Variants in TRAK2 observed in about 807,000 individuals in gnomAD.
TRAK2 encodes the protein trafficking kinesin protein 2, also known as trafficking kinesin-binding protein 2.
A neutral mutation model predicts 104.6 loss-of-function variants in TRAK2; 81 were observed. That is an observed-to-expected ratio of 0.77 (90% confidence interval 0.65 to 0.93). The LOEUF (loss-of-function observed/expected upper bound fraction) is 0.93. Among genes scored for constraint, TRAK2 ranks in the 40% least tolerant of loss-of-function variants. The pLI is 0.00. For missense variants in TRAK2, 1,002 were observed against 1,089.0 expected, an observed-to-expected ratio of 0.92 and a Z score of 1.12; for synonymous variants, 406 against 394.4, an observed-to-expected ratio of 1.03 and a Z score of -0.35.
chr2:201,428,981 G>A (rs1325828171), intron 1 of TRAK2, among the ~76,000 whole-genome samples: 2 of 152,156 alleles, frequency 1.3e-5, no homozygotes, highest in Admixed American at 6.5e-5. Flanking sequence ...TCTGTTATTG[G>A]TGTATAGGAA....
At chr2:201,437,940 T>G (rs1181678715) in intron 1 of TRAK2, among the ~76,000 whole-genome samples, 2 of 152,236 alleles carry the variant, frequency 1.3e-5, no homozygotes, top group Non-Finnish European at 2.9e-5. Flanking sequence ...GACCCAAATA[T>G]GTAGTCCACT....
chr2:201,385,696 T>C (rs1559436830), intron 14 of TRAK2, among the ~76,000 whole-genome samples: 1 of 152,208 alleles, frequency 6.6e-6, no homozygotes, highest in Non-Finnish European at 1.5e-5. Context: ...AAACAACATA[T>C]TGCAATAGAC....
At chr2:201,415,002 T>C (rs1447141355) in intron 2 of TRAK2, among the ~76,000 whole-genome samples, 1 of 58,312 alleles carries the variant, frequency 1.7e-5, no homozygotes, top group East Asian at 5.3e-4. Context: ...GACTAGCTCT[T>C]CCACCTTGCT....
At chr2:201,416,495 A>C (rs1951692977) in intron 2 of TRAK2, among the ~76,000 whole-genome samples, 1 of 152,192 alleles carries the variant, frequency 6.6e-6, no homozygotes, top group Admixed American at 6.5e-5. Flanking sequence ...GTTAAAGTTA[A>C]ACAGGCAAAA....
intron 1 of TRAK2, among the ~76,000 whole-genome samples, chr2:201,437,930 G>A (rs1159751532): frequency 6.6e-6 from 1 of 152,182 alleles, no homozygotes; most frequent in African/African-American, 2.4e-5. Flanking sequence ...ACTCTATGGG[G>A]ACCCAAATAT....
intron 15 of TRAK2, among the ~76,000 whole-genome samples, chr2:201,382,184 T>G (rs1021787524): frequency 2.6e-5 from 4 of 152,188 alleles, no homozygotes; most frequent in Non-Finnish European, 1.5e-5. Flanking sequence ...TATTCTATGC[T>G]TAGTCGAAAA....
At chr2:201,393,191 C>T in intron 9 of TRAK2, 145 bp from the exon 10 acceptor site, 1 of 819,210 alleles carries the variant, frequency 1.2e-6, no homozygotes, top group Non-Finnish European at 1.8e-6. Context: ...AAGACTAAAA[C>T]AAACTAAGCA....
intron 5 of TRAK2, 28 bp from the exon 6 acceptor site, chr2:201,398,382 T>G: frequency 1.9e-6 from 3 of 1,586,476 alleles, no homozygotes; most frequent in Non-Finnish European, 2.6e-6. Context: ...TTGATTTTCA[T>G]GTTCTTTATT....
In TRAK2 at chr2:201,387,828, C is replaced by G. The variant is rs1226525482; in HGVS notation, c.1571G>C (p.Cys524Ser). The G allele has an allele frequency of 3.1e-6, 5 of 1,614,118 alleles. No individual in the cohort carries two copies. The highest frequency in any genetic ancestry group is 4.2e-6 in the Non-Finnish European group (5 of 1,180,042). The change falls in exon 13 of 16, where the codon TGT becomes TCT. Residue 524 changes from cysteine (C) to serine (S), a missense_variant. By Grantham distance (112) the Cys-to-Ser change is moderately radical. Transcript: ENST00000332624. ...GGCAAGGCTCTCTGTCGGGGTGACA[C>G]AGCCACTAACTCCTTCCTTCTGGTC... ...LADQKEGVSG[C>S]VTPTESLASL...
intron 1 of TRAK2, among the ~76,000 whole-genome samples, chr2:201,424,285 C>T (rs773993262): frequency 5.9e-5 from 9 of 152,162 alleles, no homozygotes; most frequent in Non-Finnish European, 1.2e-4. Flanking sequence ...CAAATATCAC[C>T]TGCTATGTAA....
Position 201,445,163 on chromosome 2 carries a change from G to T in TRAK2, c.-200+6187C>A, listed in dbSNP as rs1363511899. On this transcript the variant is annotated intron_variant, in intron 1 of 15. Coordinates refer to ENST00000332624, the MANE Select transcript of TRAK2 (RefSeq NM_015049.3). ...CATGAATAAACCACAATACGGGGTA[G>T]TTAAACAGGGTATCTTCAAGAGGTT... is the stretch of plus-strand genomic sequence containing the variant. 2.6e-5 allele frequency among the ~76,000 whole-genome samples: 4 copies of T among 152,290 alleles called. No homozygotes were observed. The South Asian group carries it at 6.2e-4, about 24-fold the overall frequency.
intron 10 of TRAK2, among the ~76,000 whole-genome samples, chr2:201,390,207 AT>A (rs879744627): frequency 2.0e-5 from 3 of 148,658 alleles, no homozygotes; most frequent in Non-Finnish European, 3.0e-5. Context: ...GTATTTAACA[AT>A]TTTTTTTTTG....
chr2:201,412,074 A>AT (rs1951651972), intron 2 of TRAK2: 2 of 1,126,442 alleles, frequency 1.8e-6, no homozygotes, highest in Non-Finnish European at 2.7e-6. Context: ...TGCTGCTTAA[A>AT]CACAGGGCCA....
intron 1 of TRAK2, 43 bp downstream of exon 1, chr2:201,451,307 T>C (rs1454685317): frequency 6.6e-6 from 1 of 152,068 alleles, no homozygotes; most frequent in South Asian, 2.1e-4. Flanking sequence ...TCCGGGGAAG[T>C]TGTCAAGGGC....
intron 2 of TRAK2, chr2:201,413,058 G>C: frequency 1.2e-6 from 1 of 822,528 alleles, no homozygotes. Context: ...CCTCATTTTA[G>C]AGAATCAATT....
At chr2:201,433,689 T>A (rs1209602814) in intron 1 of TRAK2, 1 of 152,132 alleles carries the variant, frequency 6.6e-6, no homozygotes, top group African/African-American at 2.4e-5. Context: ...AGCTAAGGAA[T>A]CCCTATTAGA....
chr2:201,439,692 C>G (rs1043176909), intron 1 of TRAK2, among the ~76,000 whole-genome samples: 6 of 151,200 alleles, frequency 4.0e-5, no homozygotes, highest in Admixed American at 6.6e-5. Context: ...CTCAAATGTC[C>G]AACAATGATA....
intron 1 of TRAK2, among the ~76,000 whole-genome samples, chr2:201,425,535 C>T (rs191307953): frequency 2.6e-5 from 4 of 151,996 alleles, no homozygotes; most frequent in Admixed American, 2.6e-4. Context: ...CCAAGTAGCT[C>T]GTATTACAGC....
In TRAK2 at chr2:201,425,418, T is replaced by G. The variant is rs1189772939; in HGVS notation, c.-199-4712A>C. On this transcript the variant is annotated intron_variant, in intron 1 of 15. Transcript: ENST00000332624. Reference sequence around the variant, plus strand: ...AGCATTTATTTATATTTTTATTTTTTGAGATGGAGTTTCACTCTTGCTGCC... The same window carrying G: ...AGCATTTATTTATATTTTTATTTTTGGAGATGGAGTTTCACTCTTGCTGCC... Among the ~76,000 whole-genome samples, 3 of 152,232 alleles carry G rather than the reference T, an allele frequency of 2.0e-5. No individual in the cohort carries two copies. The East Asian group carries it at 5.8e-4, about 29-fold the overall frequency.
Sources: allele counts gnomAD v4.1 joint callset (sites outside exome capture counted in the v4.1 genomes callset), GRCh38; gene constraint gnomAD v4.1.1; transcripts MANE v1.5; gene names NCBI Gene and HGNC (gene_info 2026-07-23, HGNC 2026-07-21).